Variants in AFAP1 observed in about 807,000 individuals in gnomAD.
AFAP1 encodes actin filament-associated protein 1.
AFAP1 carries 75 observed loss-of-function variants against 93.9 expected under a neutral mutation model. That is an observed-to-expected ratio of 0.80 (90% CI 0.66 to 0.97). The LOEUF (loss-of-function observed/expected upper bound fraction) is 0.97, where lower values mean the gene tolerates loss of function less well. AFAP1 is among the 50% of genes least tolerant of loss of function. AFAP1 has a pLI of 0.00. For missense variants in AFAP1, 1,201 were observed against 1,050.8 expected (o/e 1.14, Z -1.98); for synonymous variants, 517 against 430.7 (o/e 1.20, Z -2.48).
chr4:7,763,764 C>A lies in AFAP1; in HGVS notation c.*1G>T. The A allele has an allele frequency of 3.9e-6, 6 of 1,551,620 alleles. No homozygotes were observed. Among genetic ancestry groups the A allele is most frequent in the Non-Finnish European group, 5.2e-6 (6 of 1,146,972 alleles). On this transcript the variant is annotated 3_prime_UTR_variant, in exon 18 of 18. Coordinates refer to ENST00000420658, the MANE Select transcript of AFAP1 (RefSeq NM_001134647.2). The stretch of plus-strand genomic sequence containing the variant: ...TGAGGCTGGAGTGGTGCTGCTGTCC[C>A]CTAGGTCCCGTTCTTCAATTCCCAT...
At chr4:7,772,672 G>A in intron 16 of AFAP1, 148 bp downstream of exon 16, 2 of 689,830 alleles carry the variant, frequency 2.9e-6, no homozygotes, top group East Asian at 2.8e-5. Context: ...AGTGTCTGAT[G>A]CTAACACATG....
intron 1 of AFAP1, among the ~76,000 whole-genome samples, chr4:7,928,438 A>T (rs1720891252): frequency 6.6e-6 from 1 of 152,072 alleles, no homozygotes; most frequent in African/African-American, 2.4e-5. Context: ...CCCAGGCTGG[A>T]GTGCAGTGAC....
Position 7,906,791 on chromosome 4 carries a change from C to CG in AFAP1, c.-3+32864dup, listed in dbSNP as rs553546761. 2.6e-5 allele frequency among the ~76,000 whole-genome samples: 4 copies of CG among 152,262 alleles called. No homozygotes were observed. In the South Asian group the frequency reaches 8.3e-4, roughly 32 times the overall value. The stretch of plus-strand genomic sequence containing the variant: ...ATCCCAGCACTTTGGGAAGCCAAGG[C>CG]GGGTGGATCACCTGAGGTCGGAAGT... On this transcript the variant is annotated intron_variant, in intron 1 of 17. Transcript: ENST00000420658.
intron 1 of AFAP1, among the ~76,000 whole-genome samples, chr4:7,895,291 A>C (rs757019072): frequency 1.3e-5 from 2 of 152,202 alleles, no homozygotes; most frequent in Non-Finnish European, 2.9e-5. Flanking sequence ...CAGTTCTTTA[A>C]ATGTCATTAT....
chr4:7,932,008 C>T (rs1721094986), intron 1 of AFAP1, among the ~76,000 whole-genome samples: 1 of 152,096 alleles, frequency 6.6e-6, no homozygotes, highest in East Asian at 1.9e-4. Context: ...CTACAGGCAC[C>T]CGCCACCATG....
At chr4:7,774,993 T>C in intron 14 of AFAP1, 90 bp from the exon 15 acceptor site, 1 of 1,474,828 alleles carries the variant, frequency 6.8e-7, no homozygotes, top group South Asian at 1.3e-5. Flanking sequence ...AATACAAAAT[T>C]AGCCAGGCAT....
At chr4:7,784,905 G>A (rs1363481073) in intron 12 of AFAP1, among the ~76,000 whole-genome samples, 1 of 152,140 alleles carries the variant, frequency 6.6e-6, no homozygotes, top group African/African-American at 2.4e-5. Context: ...TCAGGATATC[G>A]GGGAAAAGAA....
chr4:7,895,915 G>T (rs1368710233), intron 1 of AFAP1, among the ~76,000 whole-genome samples: 1 of 143,426 alleles, frequency 7.0e-6, no homozygotes, highest in Non-Finnish European at 1.5e-5. Context: ...CTGGAGTGCA[G>T]TGGCGCGATC....
rs746894354 is a variant in AFAP1 at position 7,768,904 on chromosome 4, C to A, written c.2358G>T (p.Lys786Asn). 6.2e-7 allele frequency: 1 copy of A among 1,612,794 alleles called. No homozygotes were observed. The highest frequency in any genetic ancestry group is 8.5e-7 in the Non-Finnish European group (1 of 1,179,122). The change falls in exon 17 of 18, where the codon AAG becomes AAT. Residue 786 changes from lysine (K) to asparagine (N), a missense_variant. Lys to Asn is a moderately conservative substitution (Grantham distance 94). Transcript: ENST00000420658. ...AGCTGCCCGGGGCAGCCTGGCTCTT[C>A]TTCAAGACGGCCGCGCTGTTCACCG... ...PVPVNSAAVL[K>N]KSQAAPGSSP...
At chr4:7,855,344 A>C in intron 4 of AFAP1, 122 bp downstream of exon 4, 7 of 733,548 alleles carry the variant, frequency 9.5e-6, no homozygotes, top group Non-Finnish European at 1.5e-5. Flanking sequence ...TGGGTTCAAA[A>C]AGTACTTGGC....
In AFAP1 at chr4:7,809,619, G is replaced by A; in HGVS notation, c.1049C>T (p.Thr350Ile). ...QTSSAEEDVP[T>I]CGYLNVLSNS... is the part of the protein sequence containing the mutation. ...TCCGGGAAGCGCAGTCTTACCGCAG[G>A]TGGGAACATCTTCCTCAGCTGAGGA... is the stretch of plus-strand genomic sequence containing the variant. The change falls in exon 9 of 18, where the codon ACC becomes ATC. Residue 350 changes from threonine (T) to isoleucine (I), a missense_variant. By Grantham distance (89) the Thr-to-Ile change is moderately conservative. Transcript: ENST00000420658. 6.2e-7 allele frequency: 1 copy of A among 1,612,422 alleles called. No individual in the cohort carries two copies. The highest frequency in any genetic ancestry group is 8.5e-7 in the Non-Finnish European group (1 of 1,179,572).
rs190773987 is a variant in AFAP1, at chr4:7,763,749, G to A, written c.*16C>T. 23 of 1,551,658 alleles carry A rather than the reference G, an allele frequency of 1.5e-5. No individual in the cohort carries two copies. The highest frequency in any genetic ancestry group is 1.2e-4 in the African/African-American group (9 of 73,152). On this transcript the variant is annotated 3_prime_UTR_variant, in exon 18 of 18. Transcript: ENST00000420658. ...GGGGTGTGCAGTCTCTGAGGCTGGA[G>A]TGGTGCTGCTGTCCCCTAGGTCCCG...
intron 8 of AFAP1, among the ~76,000 whole-genome samples, chr4:7,810,925 G>A (rs1223934464): frequency 6.6e-6 from 1 of 152,216 alleles, no homozygotes; most frequent in African/African-American, 2.4e-5. Flanking sequence ...CACTGCCGAG[G>A]GCTCTGTCCG....
chr4:7,910,778 G>A (rs1031752529), intron 1 of AFAP1, among the ~76,000 whole-genome samples: 1 of 152,210 alleles, frequency 6.6e-6, no homozygotes, highest in South Asian at 2.1e-4. Context: ...GTCTCATCTC[G>A]TCACCATAGA....
At chr4:7,801,914 CAAAAAAAAAAAAA>C (rs531684652) in intron 9 of AFAP1, among the ~76,000 whole-genome samples, 4 of 65,186 alleles carry the variant, frequency 6.1e-5, no homozygotes, top group Admixed American at 2.2e-4. Flanking sequence ...GACCCTATCA[CAAAAAAAAAAAAA>C]AAAAAAAAAA....
intron 1 of AFAP1, among the ~76,000 whole-genome samples, chr4:7,874,383 A>G (rs1393036070): frequency 2.1e-5 from 1 of 47,278 alleles, no homozygotes; most frequent in Non-Finnish European, 3.9e-5. Context: ...TTTTTTTTTG[A>G]GACAGAGTCT....
intron 11 of AFAP1, among the ~76,000 whole-genome samples, chr4:7,791,747 G>C (rs1361940772): frequency 2.0e-5 from 3 of 151,590 alleles, no homozygotes; most frequent in Non-Finnish European, 2.9e-5. Flanking sequence ...CATTTGCTTA[G>C]GAGGCTGAGA....
At chr4:7,838,063 A>C (rs1712523826) in intron 6 of AFAP1, among the ~76,000 whole-genome samples, 1 of 152,212 alleles carries the variant, frequency 6.6e-6, no homozygotes, top group African/African-American at 2.4e-5. Flanking sequence ...CCAGAAGTAA[A>C]TATAGTGAGA....
At chr4:7,764,665 G>A (rs1251620976) in intron 17 of AFAP1, among the ~76,000 whole-genome samples, 2 of 152,258 alleles carry the variant, frequency 1.3e-5, no homozygotes, top group Admixed American at 1.3e-4. Flanking sequence ...CCTGAGTGCT[G>A]GCTGCAGATG....
Sources: gnomAD v4.1 joint callset for allele counts (sites outside exome capture counted in the v4.1 genomes callset) on GRCh38, gnomAD v4.1.1 for gene constraint, MANE v1.5 for transcripts, NCBI Gene and HGNC (gene_info 2026-07-23, HGNC 2026-07-21) for gene names.